Variants in AGMO observed in about 807,000 individuals in gnomAD.
AGMO encodes alkylglycerol monooxygenase.
AGMO carries 75 observed loss-of-function variants against 60.2 expected under a neutral mutation model. The ratio of observed to expected loss-of-function variants is 1.25; its 90% CI spans 1.03 to 1.51. The LOEUF is 1.51. Ranked by LOEUF, AGMO falls within the 40% of genes most tolerant of loss-of-function variation. AGMO has a pLI of 0.00. For missense variants in AGMO, 763 were observed against 525.5 expected, an observed-to-expected ratio of 1.45 and a Z score of -4.42; for synonymous variants, 261 against 177.1, an observed-to-expected ratio of 1.47 and a Z score of -3.76.
intron 12 of AGMO, among the ~76,000 whole-genome samples, chr7:15,267,785 A>G (rs1211862904): frequency 2.6e-5 from 4 of 151,992 alleles, no homozygotes; most frequent in Non-Finnish European, 4.4e-5. Context: ...AACAAAATGG[A>G]AAGTTAACAC....
At chr7:15,495,290 G>A (rs1306916375) in intron 3 of AGMO, among the ~76,000 whole-genome samples, 1 of 152,076 alleles carries the variant, frequency 6.6e-6, no homozygotes, top group Non-Finnish European at 1.5e-5. Context: ...ACTTACTTAG[G>A]CTTGGCAATG....
chr7:15,204,831 T>C (rs1781399665), intron 12 of AGMO, among the ~76,000 whole-genome samples: 1 of 152,172 alleles, frequency 6.6e-6, no homozygotes, highest in Non-Finnish European at 1.5e-5. Context: ...TTTATTCTGC[T>C]GCTCCTCTCA....
chr7:15,247,371 T>C (rs1049373014), intron 12 of AGMO, among the ~76,000 whole-genome samples: 5 of 150,964 alleles, frequency 3.3e-5, no homozygotes, highest in African/African-American at 9.8e-5. Context: ...AAGGATAGTC[T>C]CCAAGTTATA....
the AGMO span, among the ~76,000 whole-genome samples, chr7:15,153,993 A>G: frequency 2.4e-4 from 36 of 152,112 alleles, no homozygotes; most frequent in African/African-American, 8.0e-4. Context: ...CACTTGCACT[A>G]CTTCTATTCA....
chr7:15,415,537 C>T (rs910737288), intron 5 of AGMO, among the ~76,000 whole-genome samples: 10 of 151,436 alleles, frequency 6.6e-5, no homozygotes, highest in Admixed American at 3.3e-4. Context: ...GTGAGACTAC[C>T]TCAAAGAAAA....
At position 15,404,519 on chromosome 7, in the gene AGMO, A is replaced by G. The variant is rs1007208810; in HGVS notation, c.610-10340T>C. Among the ~76,000 whole-genome samples the G allele has an allele frequency of 2.6e-5, 4 of 151,936 alleles. No individual in the cohort carries two copies. In the East Asian group the frequency reaches 7.7e-4, roughly 29 times the overall value. On this transcript the variant is annotated intron_variant, in intron 5 of 12. Coordinates refer to ENST00000342526, the MANE Select transcript of AGMO (RefSeq NM_001004320.2). Reference sequence around the variant, plus strand: ...AAAAACTGGAAACATTTATAGGTTTAACCATCTCAAACTTCATCCTTATGT... The same window carrying G: ...AAAAACTGGAAACATTTATAGGTTTGACCATCTCAAACTTCATCCTTATGT...
chr7:15,531,616 T>C lies in AGMO; in HGVS notation c.409+13156A>G, dbSNP rs1784365352. On this transcript the variant is annotated intron_variant, in intron 3 of 12. Coordinates refer to ENST00000342526, the MANE Select transcript of AGMO (RefSeq NM_001004320.2). Reference sequence around the variant, plus strand: ...ATATTCTATATATATATTCTATGTATATTCTATATATATATTCTATATATA... The same window carrying C: ...ATATTCTATATATATATTCTATGTACATTCTATATATATATTCTATATATA... Among the ~76,000 whole-genome samples, 2 of 129,318 alleles carry C rather than the reference T, an allele frequency of 1.5e-5. 1 individual carries two copies. The highest frequency in any genetic ancestry group is 3.1e-5 in the Non-Finnish European group (2 of 63,534). 84.8% of individuals were successfully genotyped at this position (129,318 alleles called of 152,430 possible). A position where few individuals can be genotyped will look rare whatever the true frequency, so the allele number is the denominator to read the frequency against.
chr7:15,369,572 T>C (rs1783118821), intron 10 of AGMO, among the ~76,000 whole-genome samples: 1 of 152,096 alleles, frequency 6.6e-6, no homozygotes, highest in African/African-American at 2.4e-5. Flanking sequence ...TCTATTCAAA[T>C]ACATGTCCTT....
At chr7:15,213,350 T>C (rs1342662732) in intron 12 of AGMO, among the ~76,000 whole-genome samples, 1 of 151,854 alleles carries the variant, frequency 6.6e-6, no homozygotes, top group East Asian at 1.9e-4. Context: ...AAGCAGTTTA[T>C]TTGTTCAATG....
chr7:15,253,655 T>G (rs1201479143), intron 12 of AGMO, among the ~76,000 whole-genome samples: 1 of 152,182 alleles, frequency 6.6e-6, no homozygotes, highest in Admixed American at 6.5e-5. Flanking sequence ...TCATAATAAT[T>G]AGTATATCCA....
chr7:15,429,224 C>A (rs1781160725), intron 4 of AGMO, among the ~76,000 whole-genome samples: 1 of 151,974 alleles, frequency 6.6e-6, no homozygotes, highest in Admixed American at 6.6e-5. Flanking sequence ...ATGTTGAAAT[C>A]TGAGCCCTAA....
intron 4 of AGMO, among the ~76,000 whole-genome samples, chr7:15,419,679 T>C (rs1056207842): frequency 6.6e-6 from 1 of 152,016 alleles, no homozygotes; most frequent in Admixed American, 6.6e-5. Flanking sequence ...AGAATGTTTT[T>C]TTTTTAATAT....
At chr7:15,538,536 C>T (rs573247379) in intron 3 of AGMO, among the ~76,000 whole-genome samples, 14 of 152,052 alleles carry the variant, frequency 9.2e-5, no homozygotes, top group Non-Finnish European at 2.1e-4. Context: ...AGCCAGCATA[C>T]CTTCCATAGT....
intron 3 of AGMO, among the ~76,000 whole-genome samples, chr7:15,532,074 G>T (rs1304486528): frequency 1.3e-5 from 2 of 152,108 alleles, no homozygotes; most frequent in Non-Finnish European, 2.9e-5. Context: ...TAATATGACT[G>T]CAATACTGTA....
intron 3 of AGMO, among the ~76,000 whole-genome samples, chr7:15,465,170 G>C (rs1008440670): frequency 6.6e-6 from 1 of 151,764 alleles, no homozygotes; most frequent in Non-Finnish European, 1.5e-5. Context: ...CCCTACTTTC[G>C]ACAAGCTAAG....
chr7:15,236,011 A>G (rs1782408174), intron 12 of AGMO, among the ~76,000 whole-genome samples: 1 of 152,128 alleles, frequency 6.6e-6, no homozygotes, highest in Admixed American at 6.6e-5. Flanking sequence ...GGACCTCAAG[A>G]GCAAGTTTAA....
intron 12 of AGMO, among the ~76,000 whole-genome samples, chr7:15,260,332 G>A (rs908869741): frequency 4.6e-5 from 7 of 151,968 alleles, no homozygotes; most frequent in African/African-American, 1.7e-4. Flanking sequence ...GATATTCCAT[G>A]CAAATGAACA....
At chr7:15,464,467 A>G (rs1397643482) in intron 3 of AGMO, among the ~76,000 whole-genome samples, 3 of 152,214 alleles carry the variant, frequency 2.0e-5, no homozygotes, top group Non-Finnish European at 4.4e-5. Context: ...CACTTTTTAA[A>G]CAAGTAAGTC....
chr7:15,157,141 T>G, the AGMO span, among the ~76,000 whole-genome samples: 1 of 152,196 alleles, frequency 6.6e-6, no homozygotes, highest in African/African-American at 2.4e-5. Context: ...ACATTTACTA[T>G]GTGCCTGACA....
Sources: gnomAD v4.1 joint callset for allele counts (sites outside exome capture counted in the v4.1 genomes callset) on GRCh38, gnomAD v4.1.1 for gene constraint, MANE v1.5 for transcripts, NCBI Gene and HGNC (gene_info 2026-07-23, HGNC 2026-07-21) for gene names.